NDUFAF6: variants seen among roughly 807,000 people sequenced by gnomAD.
NDUFAF6 encodes the protein NADH dehydrogenase (ubiquinone) complex I, assembly factor 6.
A neutral mutation model predicts 40.8 loss-of-function variants in NDUFAF6; 45 were observed. The ratio of observed to expected loss-of-function variants is 1.10; its 90% CI spans 0.87 to 1.42. NDUFAF6 has a LOEUF of 1.42. Among genes scored for constraint, NDUFAF6 ranks in the 40% most tolerant of loss-of-function variants. NDUFAF6 has a pLI of 0.00. For synonymous variants in NDUFAF6, 185 were observed against 155.9 expected (o/e 1.19, Z -1.39); for missense variants, 435 against 418.5 (o/e 1.04, Z -0.34).
In NDUFAF6 at chr8:94,958,208, T is replaced by G. The variant is rs117290769; in HGVS notation, c.-199+29T>G. 1,492 of 152,348 alleles carry G rather than the reference T, an allele frequency of 9.8e-3. 19 individuals carry two copies. The highest frequency in any genetic ancestry group is 0.012 in the Non-Finnish European group (786 of 68,046). The allele number at this position is 152,348 out of a possible 1,614,324, so 9.4% of individuals were successfully genotyped here. A position where few individuals can be genotyped will look rare whatever the true frequency, so the allele number is the denominator to read the frequency against. ...AGGAAGCAGACATAGAAGGTCTAAA[T>G]GTATTTACTTCTGGAGCTGCCATAA... On this transcript the variant is annotated intron_variant, in intron 1 of 9. Coordinates refer to the NDUFAF6 transcript ENST00000396111.
rs1447790424 is a variant in NDUFAF6 at position 95,086,617 on chromosome 8, TTTC to T, written n.213+10866_213+10868del. Among the ~76,000 whole-genome samples, 498 of 138,200 alleles carry T rather than the reference TTTC, an allele frequency of 3.6e-3. 3 individuals carry two copies. The highest frequency in any genetic ancestry group is 0.015 in the African/African-American group (462 of 31,680). The allele number at this position is 138,200 out of a possible 152,430, so 90.7% of individuals were successfully genotyped here. A position where few individuals can be genotyped will look rare whatever the true frequency, so the allele number is the denominator to read the frequency against. The stretch of plus-strand genomic sequence containing the variant: ...TCTTTTCTTTTCTTTTTTTTTTTTT[TTTC>T]GAGACGGAGTTTCCTCTGTTGCCCA... On this transcript the variant is annotated intron_variant and non_coding_transcript_variant, in intron 2 of 5. Coordinates refer to the NDUFAF6 transcript ENST00000523184.
intron 1 of NDUFAF6, chr8:94,926,708 G>C (rs1379426107): frequency 6.6e-6 from 1 of 152,180 alleles, no homozygotes; most frequent in Non-Finnish European, 1.5e-5. Context: ...CTCCTCCCAT[G>C]CAAAGGATAC....
chr8:94,901,674 C>G (rs770805502), intron 1 of NDUFAF6, among the ~76,000 whole-genome samples: 1 of 152,140 alleles, frequency 6.6e-6, no homozygotes, highest in Non-Finnish European at 1.5e-5. Flanking sequence ...CTCCACCTCC[C>G]AGGTTCAAGT....
At chr8:95,005,897 C>T (rs1033500614) in intron 2 of NDUFAF6, among the ~76,000 whole-genome samples, 7 of 152,042 alleles carry the variant, frequency 4.6e-5, no homozygotes, top group African/African-American at 1.4e-4. Flanking sequence ...CCCCAGGAGA[C>T]AATGCAGTTC....
chr8:94,938,435 C>T (rs1037551855), intron 1 of NDUFAF6, among the ~76,000 whole-genome samples: 2 of 152,332 alleles, frequency 1.3e-5, no homozygotes, highest in South Asian at 4.1e-4. Context: ...CTTGGAACCT[C>T]CAATGTGGAA....
upstream of NDUFAF6, among the ~76,000 whole-genome samples, chr8:95,097,018 C>T (rs549826350): frequency 1.3e-5 from 2 of 152,322 alleles, no homozygotes; most frequent in African/African-American, 4.8e-5. Context: ...TGGGATCCTA[C>T]CCAATGAGGC....
At chr8:95,115,230 A>C (rs1055279712) in intron 4 of NDUFAF6, among the ~76,000 whole-genome samples, 2 of 152,188 alleles carry the variant, frequency 1.3e-5, no homozygotes, top group African/African-American at 4.8e-5. Context: ...TGAACACCTC[A>C]ATATTTGTCA....
chr8:95,100,733 G>T (rs1319522719), intron 1 of NDUFAF6, among the ~76,000 whole-genome samples: 3 of 152,172 alleles, frequency 2.0e-5, no homozygotes, highest in African/African-American at 7.2e-5. Flanking sequence ...AATATCCATT[G>T]TGTCCATAAA....
chr8:95,017,230 C>T (rs188384289), intron 2 of NDUFAF6, among the ~76,000 whole-genome samples: 1 of 151,896 alleles, frequency 6.6e-6, no homozygotes, highest in African/African-American at 2.4e-5. Context: ...CATGAGCCAC[C>T]ACGCCCCGCC....
upstream of NDUFAF6, among the ~76,000 whole-genome samples, chr8:94,953,888 GTCCATGTT>G (rs1352657026): frequency 4.0e-5 from 6 of 151,734 alleles, no homozygotes; most frequent in African/African-American, 1.5e-4. Flanking sequence ...GCTTTTAAAT[GTCCATGTT>G]TCTCATGGCT....
chr8:95,083,909 A>C lies in NDUFAF6; in HGVS notation n.213+8157A>C, dbSNP rs115906063. On this transcript the variant is annotated intron_variant and non_coding_transcript_variant, in intron 2 of 5. Transcript: ENST00000523184. Reference sequence around the variant, plus strand: ...ACATTTCAGTTAGAGTCTAGTAAAAAGACAAGCATAATGTTTTCCCATCCA... The same window carrying C: ...ACATTTCAGTTAGAGTCTAGTAAAACGACAAGCATAATGTTTTCCCATCCA... Among the ~76,000 whole-genome samples, 1,255 of 152,358 alleles carry C rather than the reference A, an allele frequency of 8.2e-3. 14 individuals are homozygous for C. Among genetic ancestry groups the C allele is most frequent in the African/African-American group, 0.029 (1,200 of 41,588 alleles).
intron 1 of NDUFAF6, among the ~76,000 whole-genome samples, chr8:94,896,132 G>A (rs1198926740): frequency 1.3e-5 from 2 of 152,082 alleles, no homozygotes; most frequent in Non-Finnish European, 2.9e-5. Flanking sequence ...GATCCCAGAG[G>A]GTAAAACCCC....
At chr8:95,104,882 G>A (rs1809772589), downstream of NDUFAF6, among the ~76,000 whole-genome samples, 2 of 152,290 alleles carry the variant, frequency 1.3e-5, no homozygotes, top group Admixed American at 1.3e-4. Flanking sequence ...GCGGCAGCCA[G>A]AGTTTCTCTC....
intron 1 of NDUFAF6, chr8:94,926,680 T>G (rs1051036619): frequency 2.1e-4 from 32 of 152,342 alleles, no homozygotes; most frequent in African/African-American, 7.5e-4. Context: ...TTAAGCTGCC[T>G]GCCTTTCAAG....
At chr8:95,076,013 C>G (rs943868561) in exon 10 of NDUFAF6, 3 of 222,612 alleles carry the variant, frequency 1.3e-5, no homozygotes, top group African/African-American at 6.9e-5. Flanking sequence ...GGTGACTCAC[C>G]TCTCCTAGAA....
Position 94,997,343 on chromosome 8 carries a change from C to CAGAGAGAGAG in NDUFAF6, c.-84+16384_-84+16393dup, listed in dbSNP as rs60911286. Reference sequence around the variant, plus strand: ...ACACACACACACACACACACACACACAGAGAGAGAGAGAGAGAGAGAGACA... The same window carrying CAGAGAGAGAG: ...ACACACACACACACACACACACACACAGAGAGAGAGAGAGAGAGAGAGAGAGAGAGAGACA... On this transcript the variant is annotated intron_variant, in intron 2 of 9. Transcript: ENST00000396111. Among the ~76,000 whole-genome samples, 26 of 90,568 alleles carry CAGAGAGAGAG rather than the reference C, an allele frequency of 2.9e-4. 1 individual carries two copies. Among genetic ancestry groups the CAGAGAGAGAG allele is most frequent in the African/African-American group, 9.5e-4 (21 of 22,068 alleles). 59.4% of individuals were successfully genotyped at this position (90,568 alleles called of 152,430 possible).
intron 2 of NDUFAF6, among the ~76,000 whole-genome samples, chr8:94,948,879 C>T (rs1822270752): frequency 1.3e-5 from 2 of 151,966 alleles, no homozygotes; most frequent in East Asian, 3.9e-4. Flanking sequence ...GCGCCGGGGC[C>T]AGGCCGGGCC....
At chr8:95,035,700 G>C in intron 3 of NDUFAF6, 124 bp downstream of exon 3, 1 of 968,978 alleles carries the variant, frequency 1.0e-6, no homozygotes, top group South Asian at 1.6e-5. Flanking sequence ...TTAGGCTTAT[G>C]TATTCAGAGC....
intron 1 of NDUFAF6, among the ~76,000 whole-genome samples, chr8:94,971,334 T>C (rs778445369): frequency 6.7e-6 from 1 of 150,168 alleles, no homozygotes; most frequent in African/African-American, 2.4e-5. Flanking sequence ...ATAGAATTCA[T>C]AGAGTGAAGC....
Sources: allele counts gnomAD v4.1 joint callset (sites outside exome capture counted in the v4.1 genomes callset), GRCh38; gene constraint gnomAD v4.1.1; transcripts MANE v1.5; gene names NCBI Gene and HGNC (gene_info 2026-07-23, HGNC 2026-07-21).